PAPPA: variants seen among roughly 807,000 people sequenced by gnomAD.
PAPPA encodes pappalysin 1, also known as pappalysin-1.
In PAPPA, 60 loss-of-function variants were observed where a neutral mutation model predicts 164.0. That is an observed-to-expected ratio of 0.37 (90% CI 0.30 to 0.45). The LOEUF (loss-of-function observed/expected upper bound fraction) is 0.45. Ranked by LOEUF, PAPPA falls within the 20% of genes least tolerant of loss-of-function variation. PAPPA has a pLI of 1.00. For missense variants in PAPPA, 1,782 were observed against 2,087.3 expected, an observed-to-expected ratio of 0.85 and a Z score of 2.85; for synonymous variants, 875 against 814.1, an observed-to-expected ratio of 1.07 and a Z score of -1.27.
intron 21 of PAPPA, among the ~76,000 whole-genome samples, chr9:116,394,030 G>A (rs931520026): frequency 3.9e-5 from 6 of 152,110 alleles, no homozygotes; most frequent in Non-Finnish European, 8.8e-5. Context: ...CATCCCTCAT[G>A]GGTGTTTGAG....
At chr9:116,384,222 T>TG (rs1846772292) in intron 21 of PAPPA, among the ~76,000 whole-genome samples, 1 of 151,250 alleles carries the variant, frequency 6.6e-6, no homozygotes, top group Admixed American at 6.6e-5. Context: ...GACCAGGAGT[T>TG]GGAGACCAGC....
chr9:116,379,885 T>C (rs1846705063), intron 20 of PAPPA, among the ~76,000 whole-genome samples: 1 of 152,146 alleles, frequency 6.6e-6, no homozygotes. Context: ...AGGAGCAACA[T>C]GAGATAAACC....
At chr9:116,264,021 T>C (rs1465812382) in intron 7 of PAPPA, among the ~76,000 whole-genome samples, 1 of 152,192 alleles carries the variant, frequency 6.6e-6, no homozygotes, top group East Asian at 1.9e-4. Context: ...AAATTTCTTA[T>C]TTTATATCAC....
rs1418803725 is a variant in PAPPA, at chr9:116,154,002, A to G, written c.-171A>G. ...TATTTTTCAAAGGTGGGGAGAGTGG[A>G]GCACACACCTTGAGGAGGAAAGCGA... is the stretch of plus-strand genomic sequence containing the variant. On this transcript the variant is annotated 5_prime_UTR_variant, in exon 1 of 22. Coordinates refer to ENST00000328252, the MANE Select transcript of PAPPA (RefSeq NM_002581.5). This position sits in a 1 kb window ranked among gnomAD's most constrained non-coding sequence, Gnocchi z 5.2. 3.6e-5 allele frequency: 28 copies of G among 778,060 alleles called. No homozygotes were observed. Among genetic ancestry groups the G allele is most frequent in the Non-Finnish European group, 5.1e-6 (3 of 593,444 alleles). The allele number at this position is 778,060 out of a possible 1,614,324, so 48.2% of individuals were successfully genotyped here. A position where few individuals can be genotyped will look rare whatever the true frequency, so the allele number is the denominator to read the frequency against.
chr9:116,375,310 TCACATTG>T (rs1262191403), intron 19 of PAPPA, among the ~76,000 whole-genome samples: 8 of 152,218 alleles, frequency 5.3e-5, no homozygotes, highest in African/African-American at 1.9e-4. Flanking sequence ...ACAGTAGATT[TCACATTG>T]CAAGACTGAT....
At chr9:116,193,148 TG>T (rs67793023) in intron 2 of PAPPA, among the ~76,000 whole-genome samples, 3,513 of 152,132 alleles carry the variant, frequency 0.023, 136 homozygotes, top group African/African-American at 0.079. Flanking sequence ...ATTATTTTTT[TG>T]AATGTAACAA....
At chr9:116,289,151 T>C (rs1452456186) in intron 9 of PAPPA, among the ~76,000 whole-genome samples, 3 of 31,458 alleles carry the variant, frequency 9.5e-5, no homozygotes, top group African/African-American at 3.1e-4. Flanking sequence ...TATATATATA[T>C]ATATATATAG....
Position 116,187,082 on chromosome 9 carries a change from G to C in PAPPA, c.416-72G>C. The C allele has an allele frequency of 9.0e-7, 1 of 1,106,124 alleles. No individual in the cohort carries two copies. The highest frequency in any genetic ancestry group is 1.5e-5 in the South Asian group (1 of 68,438). The allele number at this position is 1,106,124 out of a possible 1,614,324, so 68.5% of individuals were successfully genotyped here. A position where few individuals can be genotyped will look rare whatever the true frequency, so the allele number is the denominator to read the frequency against. ...GGATAACCTGATACAAATTTTATTAGAGAAAAATAACTTAACCCCCCCTCC... is the reference window on the plus strand; with the variant it reads ...GGATAACCTGATACAAATTTTATTACAGAAAAATAACTTAACCCCCCCTCC... On this transcript the variant is annotated intron_variant, in intron 1 of 21. Coordinates refer to ENST00000328252, the MANE Select transcript of PAPPA (RefSeq NM_002581.5). The surrounding 1 kb of genome is among the most constrained non-coding windows in gnomAD (Gnocchi z 4.2).
In PAPPA at chr9:116,360,580, AT is replaced by A. The variant is rs1306924406; in HGVS notation, c.4348-2010del. 2.6e-5 allele frequency among the ~76,000 whole-genome samples: 4 copies of A among 152,126 alleles called. No individual in the cohort carries two copies. In the East Asian group the frequency reaches 7.7e-4, roughly 29 times the overall value. ...TTTCTCATACATTCATTCATAATTT[AT>A]TCCCTCATTCATTCTTTTCTTCATT... On this transcript the variant is annotated intron_variant, in intron 17 of 21. Transcript: ENST00000328252.
Position 116,341,117 on chromosome 9 carries a change from T to C in PAPPA, c.3612-3426T>C, listed in dbSNP as rs1588011513. Among the ~76,000 whole-genome samples, 3 of 152,262 alleles carry C rather than the reference T, an allele frequency of 2.0e-5. No individual in the cohort carries two copies. The East Asian group carries it at 5.8e-4, about 29-fold the overall frequency. On this transcript the variant is annotated intron_variant, in intron 13 of 21. Coordinates refer to ENST00000328252, the MANE Select transcript of PAPPA (RefSeq NM_002581.5). ...GTACAGTGGTGTAATCTTGTCTCAC[T>C]GCAACCTCTGCCCTCCAGATTCAAG...
chr9:116,390,300 T>A (rs1846873646), intron 21 of PAPPA, among the ~76,000 whole-genome samples: 2 of 151,160 alleles, frequency 1.3e-5, no homozygotes, highest in Admixed American at 6.6e-5. Context: ...GAGATAGGGG[T>A]GGGAGGGAAA....
At position 116,154,275 on chromosome 9, in the gene PAPPA, G is replaced by A; in HGVS notation, c.103G>A (p.Gly35Ser). 1.9e-6 allele frequency: 2 copies of A among 1,055,034 alleles called. No homozygotes were observed. The highest frequency in any genetic ancestry group is 2.3e-6 in the Non-Finnish European group (2 of 875,100). 65.4% of individuals were successfully genotyped at this position (1,055,034 alleles called of 1,614,324 possible). Reference sequence around the variant, plus strand: ...CCGGGCCCGGAGAGACCCGCGGGCCGGCCGACCCCCGCGCCCCGCCGCCGG... The same window carrying A: ...CCGGGCCCGGAGAGACCCGCGGGCCAGCCGACCCCCGCGCCCCGCCGCCGG... ...PRRARRDPRA[G>S]RPPRPAAGPA... The change falls in exon 1 of 22, where the codon GGC (glycine) becomes AGC (serine). Residue 35 changes from glycine (G) to serine (S), a missense_variant. Physicochemically the swap from Gly to Ser is moderately conservative, Grantham distance 56 (BLOSUM62 0). This residue lies in a region of PAPPA where 458 missense variants were observed against 430.3 expected (regional missense o/e 1.06). Transcript: ENST00000328252. This position sits in a 1 kb window ranked among gnomAD's most constrained non-coding sequence, Gnocchi z 5.2.
At position 116,211,803 on chromosome 9, in the gene PAPPA, G is replaced by A; in HGVS notation, c.1789G>A (p.Gly597Arg). 1 of 1,614,092 alleles carries A rather than the reference G, an allele frequency of 6.2e-7. No individual in the cohort carries two copies. The highest frequency in any genetic ancestry group is 8.5e-7 in the Non-Finnish European group (1 of 1,180,008). ...GGAGACAGAGCCCTCCTTCGAGACT[G>A]GAGACCTCTGCAATGATACCAACCC... ...CMETEPSFET[G>R]DLCNDTNPAP... The change falls in exon 4 of 22, where the codon GGA (glycine) becomes AGA (arginine). Residue 597 changes from glycine (G) to arginine (R), a missense_variant. Physicochemically the swap from Gly to Arg is moderately radical, Grantham distance 125. This residue lies in a region of PAPPA where 1,324 missense variants were observed against 1,656.9 expected (regional missense o/e 0.80). Transcript: ENST00000328252.
At chr9:116,231,768 T>TTTTTTTTTTTTC (rs1466176479) in intron 6 of PAPPA, among the ~76,000 whole-genome samples, 2 of 125,764 alleles carry the variant, frequency 1.6e-5, no homozygotes, top group East Asian at 2.3e-4. Context: ...TTCTTTTTCT[T>TTTTTTTTTTTTC]TTTTTTTTTT....
At chr9:116,166,877 A>G (rs1843724931) in intron 1 of PAPPA, among the ~76,000 whole-genome samples, 2 of 152,204 alleles carry the variant, frequency 1.3e-5, no homozygotes, top group Non-Finnish European at 2.9e-5. Context: ...GAATGAATAT[A>G]TGAATGACTG....
chr9:116,244,344 G>A (rs534908590), intron 7 of PAPPA, among the ~76,000 whole-genome samples: 1 of 152,284 alleles, frequency 6.6e-6, no homozygotes, highest in Non-Finnish European at 1.5e-5. Flanking sequence ...TGGGCAAACT[G>A]AGACCCATAG....
intron 1 of PAPPA, among the ~76,000 whole-genome samples, chr9:116,175,367 A>T (rs933447469): frequency 6.6e-6 from 1 of 152,226 alleles, no homozygotes; most frequent in South Asian, 2.1e-4. Flanking sequence ...ATTGCTAGGA[A>T]AATAGATTTT....
intron 4 of PAPPA, among the ~76,000 whole-genome samples, chr9:116,216,775 T>C (rs1844377875): frequency 1.3e-5 from 2 of 152,140 alleles, no homozygotes; most frequent in Admixed American, 1.3e-4. Context: ...GGAGTCTTAC[T>C]CTGTCGCCCA....
At chr9:116,360,640 G>T (rs931650518) in intron 17 of PAPPA, among the ~76,000 whole-genome samples, 2 of 152,032 alleles carry the variant, frequency 1.3e-5, no homozygotes, top group Admixed American at 6.6e-5. Flanking sequence ...TCATCTGTGT[G>T]TTCATTTATT....
Sources: gnomAD v4.1 joint callset for allele counts (sites outside exome capture counted in the v4.1 genomes callset) on GRCh38, gnomAD v4.1.1 for gene constraint, gnomAD v4.1.1 regional missense constraint, Gnocchi (gnomAD v3.1) non-coding constraint, MANE v1.5 for transcripts, NCBI Gene and HGNC (gene_info 2026-07-23, HGNC 2026-07-21) for gene names.